Variants in CFAP100 observed in about 807,000 individuals in gnomAD.
CFAP100 encodes the protein cilia and flagella associated protein 100.
A neutral mutation model predicts 81.5 loss-of-function variants in CFAP100; 70 were observed. That is an observed-to-expected ratio of 0.86 (90% CI 0.71 to 1.05). The LOEUF is 1.05. CFAP100 is among the 50% of genes least tolerant of loss of function. CFAP100 has a pLI of 0.00. For missense variants in CFAP100, 811 were observed against 776.5 expected, an observed-to-expected ratio of 1.04 and a Z score of -0.53; for synonymous variants, 341 against 314.8, an observed-to-expected ratio of 1.08 and a Z score of -0.88.
rs182306584 is a variant in CFAP100, at chr3:126,394,928, C to G, written c.-110C>G. The G allele has an allele frequency of 7.9e-5, 12 of 152,432 alleles. No homozygotes were observed. In the East Asian group the frequency reaches 2.3e-3, roughly 30 times the overall value. 9.4% of individuals were successfully genotyped at this position (152,432 alleles called of 1,614,324 possible). A position where few individuals can be genotyped will look rare whatever the true frequency, so the allele number is the denominator to read the frequency against. ...AAACCCAAGAGCCCTGCTCCTGGAG[C>G]TGAGAACTGCAGCGCGGAGGCTTCG... On this transcript the variant is annotated 5_prime_UTR_variant, in exon 1 of 17. Coordinates refer to ENST00000352312, the MANE Select transcript of CFAP100 (RefSeq NM_182628.3).
At chr3:126,419,559 G>C (rs1285727049) in intron 8 of CFAP100, 78 bp from the exon 9 acceptor site, 1 of 1,340,650 alleles carries the variant, frequency 7.5e-7, no homozygotes, top group Admixed American at 1.8e-5. Flanking sequence ...AGGATGGAGG[G>C]GTGGCCCCGG....
Position 126,436,397 on chromosome 3 carries a change from T to C in CFAP100, c.1829T>C (p.Phe610Ser). 6.2e-7 allele frequency: 1 copy of C among 1,612,578 alleles called. No homozygotes were observed. The highest frequency in any genetic ancestry group is 8.5e-7 in the Non-Finnish European group (1 of 1,178,792). Residue 610 changes from phenylalanine to serine, a missense_variant, in exon 17 of 17, where the codon TTT (phenylalanine) becomes TCT (serine). Coordinates refer to ENST00000352312, the MANE Select transcript of CFAP100 (RefSeq NM_182628.3). ...GAGGAGGAGGAGCTGCTATTTTTCT[T>C]TACTTAATCTTCGCAGACCATAGCT... ...DKEEEELLFF[F>S]T
At position 126,436,365 on chromosome 3, in the gene CFAP100, G is replaced by A. The variant is rs1489948733; in HGVS notation, c.1797G>A (p.Met599Ile). 4.3e-6 allele frequency: 7 copies of A among 1,614,140 alleles called. No individual in the cohort carries two copies. The highest frequency in any genetic ancestry group is 2.2e-5 in the South Asian group (2 of 91,078). Residue 599 changes from methionine (M) to isoleucine (I), a missense_variant, in exon 17 of 17, where the codon ATG (methionine) becomes ATA (isoleucine). Transcript: ENST00000352312. ...RIKQQSEHTL[M>I]DKEEEELLFF... ...AACAACAGTCTGAGCACACACTGAT[G>A]GACAAGGAGGAGGAGGAGCTGCTAT...
At chr3:126,404,129 GAC>G (rs2083027398) in intron 2 of CFAP100, among the ~76,000 whole-genome samples, 2 of 152,208 alleles carry the variant, frequency 1.3e-5, no homozygotes, top group South Asian at 2.1e-4. Flanking sequence ...CATCCAAAAA[GAC>G]ACACAGTTTC....
chr3:126,405,012 A>C (rs376557326), intron 2 of CFAP100, among the ~76,000 whole-genome samples: 35 of 152,310 alleles, frequency 2.3e-4, no homozygotes, highest in African/African-American at 8.2e-4. Flanking sequence ...GATGAAATAC[A>C]CATAAAATTG....
intron 11 of CFAP100, among the ~76,000 whole-genome samples, chr3:126,421,284 A>T (rs1038501661): frequency 6.6e-6 from 1 of 152,226 alleles, no homozygotes; most frequent in Non-Finnish European, 1.5e-5. Flanking sequence ...GATTACAGGC[A>T]TGAGCCACTA....
In CFAP100 at chr3:126,418,769, G is replaced by A; in HGVS notation, c.645G>A (p.Met215Ile). ...RENDCSSVQA[M>I]RAAEKETKAK... ...ATGACTGCAGCTCCGTGCAGGCCAT[G>A]AGAGCGTGAGCCTGCGGGCCCGAGG... The change falls in exon 7 of 17, where the codon ATG (methionine) becomes ATA (isoleucine). Residue 215 changes from methionine (M) to isoleucine (I), a missense_variant. Physicochemically the swap from Met to Ile is conservative, Grantham distance 10 (BLOSUM62 1). Transcript: ENST00000352312. 1 of 1,589,066 alleles carries A rather than the reference G, an allele frequency of 6.3e-7. No homozygotes were observed. The highest frequency in any genetic ancestry group is 8.5e-7 in the Non-Finnish European group (1 of 1,169,794).
chr3:126,397,125 T>C (rs1007045316), intron 2 of CFAP100, among the ~76,000 whole-genome samples: 6 of 152,234 alleles, frequency 3.9e-5, no homozygotes, highest in African/African-American at 1.4e-4. Context: ...CCTTGATTTT[T>C]TTAATTAACC....
At chr3:126,401,845 C>T (rs1268579340) in intron 2 of CFAP100, among the ~76,000 whole-genome samples, 2 of 152,082 alleles carry the variant, frequency 1.3e-5, no homozygotes, top group Non-Finnish European at 2.9e-5. Flanking sequence ...CCCTGTGCTC[C>T]CCAGGCTCAC....
intron 14 of CFAP100, 129 bp from the exon 15 acceptor site, chr3:126,434,047 C>A: frequency 1.3e-6 from 1 of 766,482 alleles, no homozygotes; most frequent in Non-Finnish European, 2.1e-6. Flanking sequence ...AGCCCATGTT[C>A]TCAGAGCTCC....
chr3:126,434,357 CA>C lies in CFAP100; in HGVS notation c.1607del (p.Lys536ArgfsTer63), dbSNP rs1226760613. 2 of 1,613,806 alleles carry C rather than the reference CA, an allele frequency of 1.2e-6. No homozygotes were observed. The highest frequency in any genetic ancestry group is 8.5e-7 in the Non-Finnish European group (1 of 1,179,920). ...GTCAAGATCGAGCAGGCCGAGAGGG[CA>C]AAGGAGAAGGAGCGGCGCATCAGGT... ...PQVKIEQAER[A>X]KEKERRIRLR... On this transcript the variant is annotated frameshift_variant, in exon 15 of 17. Transcript: ENST00000352312. LOFTEE classifies it high-confidence loss of function.
rs534415007 is a variant in CFAP100, at chr3:126,408,493, G to T, written c.130+1241G>T. 6.6e-5 allele frequency among the ~76,000 whole-genome samples: 10 copies of T among 152,282 alleles called. No individual in the cohort carries two copies. The East Asian group carries it at 1.9e-3, about 29-fold the overall frequency. On this transcript the variant is annotated intron_variant, in intron 3 of 16. Coordinates refer to ENST00000352312, the MANE Select transcript of CFAP100 (RefSeq NM_182628.3). The stretch of plus-strand genomic sequence containing the variant: ...CTGGCCTTTGACTTGTTGAGCAGTG[G>T]TGTCGCCTCTCCTGCAGCAAGCCCC...
At chr3:126,425,953 A>G (rs570115209) in intron 13 of CFAP100, among the ~76,000 whole-genome samples, 64 of 152,352 alleles carry the variant, frequency 4.2e-4, no homozygotes, top group Non-Finnish European at 2.9e-5. Context: ...ATCTTACCTA[A>G]TGAAACAAAA....
chr3:126,418,683 G>C lies in CFAP100; in HGVS notation c.559G>C (p.Glu187Gln). The stretch of plus-strand genomic sequence containing the variant: ...GGCGACCAAAGAGGAGGCCAGGCTG[G>C]AGCGGGCCGAGAAATCCCTGGAGAA... ...TLATKEEARL[E>Q]RAEKSLEKDA... is the part of the protein sequence containing the mutation. Residue 187 changes from glutamate to glutamine, a missense_variant, in exon 7 of 17, where the codon GAG (glutamate) becomes CAG (glutamine). By Grantham distance (29) the Glu-to-Gln change is conservative. Transcript: ENST00000352312. 6.3e-7 allele frequency: 1 copy of C among 1,582,044 alleles called. No homozygotes were observed. Among genetic ancestry groups the C allele is most frequent in the Non-Finnish European group, 8.6e-7 (1 of 1,165,528 alleles).
rs1322006223 is a variant in CFAP100 at position 126,435,550 on chromosome 3, G to C, written c.1629-9G>C. The C allele has an allele frequency of 1.2e-6, 2 of 1,608,846 alleles. No homozygotes were observed. Among genetic ancestry groups the C allele is most frequent in the Non-Finnish European group, 1.7e-6 (2 of 1,176,448 alleles). On this transcript the variant is annotated splice_polypyrimidine_tract_variant and intron_variant, in intron 15 of 16. Transcript: ENST00000352312. ...CCCCCAGTTTTCAATGTCATTTCTT[G>C]CCACCCAGACTTCGAGAAGAGAAGC...
In CFAP100 at chr3:126,436,291, A is replaced by T. The variant is rs767799680; in HGVS notation, c.1723A>T (p.Arg575Ter). 6.2e-7 allele frequency: 1 copy of T among 1,612,144 alleles called. No homozygotes were observed. The highest frequency in any genetic ancestry group is 1.1e-5 in the South Asian group (1 of 90,966). ...ARAQAEIKKK[R>*]GRTLVCRSRP... ...CTCACTGGGCTTGTTTCCCCTGCAG[A>T]GAGGCAGGACACTGGTATGCCGCTC... Residue 575 changes from arginine to a stop codon, truncating the protein, a stop_gained and splice_region_variant, in exon 17 of 17, where the codon AGA becomes TGA. Transcript: ENST00000352312. LOFTEE classifies it low-confidence loss of function (END_TRUNC).
intron 9 of CFAP100, 33 bp from the exon 10 acceptor site, chr3:126,419,947 A>T (rs1392011380): frequency 6.2e-7 from 1 of 1,612,816 alleles, no homozygotes; most frequent in Admixed American, 1.7e-5. Context: ...GCTGCAGCTG[A>T]GGCCATCGGG....
intron 3 of CFAP100, among the ~76,000 whole-genome samples, chr3:126,410,733 A>G (rs928469189): frequency 2.0e-5 from 3 of 152,216 alleles, no homozygotes; most frequent in Non-Finnish European, 4.4e-5. Flanking sequence ...ATAGCAATGT[A>G]AAGAGCAGGC....
At chr3:126,398,063 G>A (rs999190883) in intron 2 of CFAP100, among the ~76,000 whole-genome samples, 19 of 152,222 alleles carry the variant, frequency 1.2e-4, no homozygotes, top group Admixed American at 9.2e-4. Flanking sequence ...CCCAGATGAC[G>A]GGAAGGATTT....
Sources: allele counts gnomAD v4.1 joint callset (sites outside exome capture counted in the v4.1 genomes callset), GRCh38; gene constraint gnomAD v4.1.1; transcripts MANE v1.5; gene names NCBI Gene and HGNC (gene_info 2026-07-23, HGNC 2026-07-21).